Variants in MPPED2 observed in about 807,000 individuals in gnomAD.
MPPED2 encodes metallophosphoesterase domain containing 2, also known as metallophosphoesterase MPPED2.
Under a neutral mutation model 33.0 loss-of-function variants are expected in MPPED2, and 5 were observed. The ratio of observed to expected loss-of-function variants is 0.15; its 90% CI spans 0.08 to 0.32. The LOEUF is 0.32. Among genes scored for constraint, MPPED2 ranks in the 10% least tolerant of loss-of-function variants. The probability of loss-of-function intolerance (pLI) is 1.00; values close to 1 mark genes in which losing one functional copy is unlikely to be tolerated. For synonymous variants in MPPED2, 136 were observed against 141.9 expected, an observed-to-expected ratio of 0.96 and a Z score of 0.29; for missense variants, 275 against 372.1, an observed-to-expected ratio of 0.74 and a Z score of 2.15.
intron 4 of MPPED2, among the ~76,000 whole-genome samples, chr11:30,472,313 G>T (rs1388349364): frequency 6.6e-6 from 1 of 152,074 alleles, no homozygotes. Context: ...GTGAGCCGTG[G>T]TGGTGCCATA....
At chr11:30,430,276 T>C (rs1327470773) in intron 4 of MPPED2, among the ~76,000 whole-genome samples, 1 of 152,140 alleles carries the variant, frequency 6.6e-6, no homozygotes, top group African/African-American at 2.4e-5. Context: ...ACCCGAGATG[T>C]AGCTAGTCTG....
intron 6 of MPPED2, among the ~76,000 whole-genome samples, chr11:30,400,761 C>CG (rs1947897865): frequency 7.3e-6 from 1 of 137,232 alleles, no homozygotes; most frequent in Non-Finnish European, 1.6e-5. Flanking sequence ...TATCATCAAA[C>CG]ATTTTTTTTT....
intron 2 of MPPED2, among the ~76,000 whole-genome samples, chr11:30,560,817 AG>A (rs1258524036): frequency 1.3e-5 from 2 of 152,184 alleles, no homozygotes; most frequent in African/African-American, 4.8e-5. Flanking sequence ...TTTATAGAGC[AG>A]GCCCATAGTC....
Position 30,495,489 on chromosome 11 carries a change from C to T in MPPED2, c.343G>A (p.Ala115Thr). 1 of 1,614,044 alleles carries T rather than the reference C, an allele frequency of 6.2e-7. No individual in the cohort carries two copies. The highest frequency in any genetic ancestry group is 1.3e-5 in the African/African-American group (1 of 75,024). Residue 115 changes from alanine to threonine, a missense_variant, in exon 4 of 7, where the codon GCT (alanine) becomes ACT (threonine). Physicochemically the swap from Ala to Thr is moderately conservative, Grantham distance 58. Coordinates refer to ENST00000358117, the MANE Select transcript of MPPED2 (RefSeq NM_001584.3). ...NLPYEYKIVIAGNHELTFDKE... is the reference protein window; with the variant it reads ...NLPYEYKIVITGNHELTFDKE... Reference sequence around the variant, plus strand: ...TCAAATGTCAGTTCATGATTCCCAGCAATCACTATTTTATATTCATATGGC... The same window carrying T: ...TCAAATGTCAGTTCATGATTCCCAGTAATCACTATTTTATATTCATATGGC...
intron 1 of MPPED2, among the ~76,000 whole-genome samples, chr11:30,585,531 C>A (rs1241563593): frequency 6.6e-6 from 1 of 152,060 alleles, no homozygotes; most frequent in Non-Finnish European, 1.5e-5. Context: ...CGGGGCGGCT[C>A]GAACACATCA....
At chr11:30,388,856 C>G (rs1483006840) in exon 7 of MPPED2, 1 of 1,528,350 alleles carries the variant, frequency 6.5e-7, no homozygotes, top group African/African-American at 1.4e-5. Context: ...ATCAGATCAT[C>G]AATTAATTGT....
intron 4 of MPPED2, among the ~76,000 whole-genome samples, chr11:30,440,804 A>C (rs1949537723): frequency 6.6e-6 from 1 of 152,232 alleles, no homozygotes; most frequent in African/African-American, 2.4e-5. Context: ...GACTGCTTCT[A>C]AGTCCTATCA....
intron 6 of MPPED2, among the ~76,000 whole-genome samples, chr11:30,412,175 G>A (rs1418122334): frequency 6.6e-6 from 1 of 150,700 alleles, no homozygotes; most frequent in Non-Finnish European, 1.5e-5. Flanking sequence ...AAAAGTGTCA[G>A]CTAATCACAT....
At chr11:30,401,423 T>C (rs762309949) in intron 6 of MPPED2, among the ~76,000 whole-genome samples, 2 of 152,190 alleles carry the variant, frequency 1.3e-5, no homozygotes, top group Non-Finnish European at 2.9e-5. Flanking sequence ...GATACAGATG[T>C]CCAGTGCTGA....
At chr11:30,549,804 C>T (rs539795164) in intron 2 of MPPED2, among the ~76,000 whole-genome samples, 8 of 152,184 alleles carry the variant, frequency 5.3e-5, no homozygotes, top group East Asian at 1.9e-4. Flanking sequence ...CTGCCGCCAT[C>T]GATAAAGGCT....
chr11:30,507,875 T>C (rs1952928967), intron 3 of MPPED2, among the ~76,000 whole-genome samples: 2 of 152,186 alleles, frequency 1.3e-5, no homozygotes, highest in Admixed American at 6.5e-5. Flanking sequence ...CGTAGTATAA[T>C]TCCTCAGGAA....
intron 4 of MPPED2, among the ~76,000 whole-genome samples, chr11:30,432,781 G>C (rs893424173): frequency 1.3e-5 from 2 of 152,116 alleles, no homozygotes; most frequent in East Asian, 3.8e-4. Context: ...GCATTACTTT[G>C]AAGCTAAAGT....
At chr11:30,414,941 T>C (rs1182442666) in intron 5 of MPPED2, among the ~76,000 whole-genome samples, 1 of 152,192 alleles carries the variant, frequency 6.6e-6, no homozygotes, top group Non-Finnish European at 1.5e-5. Flanking sequence ...GCTAATTGAC[T>C]ACTTTTAAAG....
At chr11:30,558,569 C>T (rs1246893951) in intron 2 of MPPED2, among the ~76,000 whole-genome samples, 1 of 151,600 alleles carries the variant, frequency 6.6e-6, no homozygotes, top group African/African-American at 2.4e-5. Flanking sequence ...GTATGTGCCA[C>T]CACACTCAGC....
At chr11:30,504,732 T>C (rs1432155773) in intron 3 of MPPED2, 12 of 1,271,088 alleles carry the variant, frequency 9.4e-6, no homozygotes, top group Non-Finnish European at 1.2e-5. Flanking sequence ...ACGTTAATAC[T>C]CACACTTGCT....
At chr11:30,550,098 T>G (rs550708753) in intron 2 of MPPED2, among the ~76,000 whole-genome samples, 193 of 152,232 alleles carry the variant, frequency 1.3e-3, no homozygotes, top group Middle Eastern at 3.4e-3. Context: ...CCAATGTCCA[T>G]TGTAGGAAAG....
At position 30,392,193 on chromosome 11, in the gene MPPED2, T is replaced by C. The variant is rs139293574; in HGVS notation, c.767-3237A>G. On this transcript the variant is annotated intron_variant, in intron 6 of 6. Transcript: ENST00000448418. ...ACACTGGCATGTAGAAGATAGCGATTGACTCCCCTCTAATGGTTTCTTTGT... is the reference window on the plus strand; with the variant it reads ...ACACTGGCATGTAGAAGATAGCGATCGACTCCCCTCTAATGGTTTCTTTGT... Among the ~76,000 whole-genome samples the C allele has an allele frequency of 5.0e-3, 764 of 152,322 alleles. 5 individuals carry two copies. The highest frequency in any genetic ancestry group is 0.017 in the African/African-American group (706 of 41,576).
chr11:30,518,867 A>G (rs1227892731), intron 3 of MPPED2, among the ~76,000 whole-genome samples: 1 of 152,234 alleles, frequency 6.6e-6, no homozygotes, highest in Non-Finnish European at 1.5e-5. Context: ...TACAAAAGAC[A>G]TACATTTTGG....
chr11:30,465,973 G>T (rs1160692889), intron 4 of MPPED2, among the ~76,000 whole-genome samples: 6 of 152,118 alleles, frequency 3.9e-5, no homozygotes, highest in Non-Finnish European at 5.9e-5. Context: ...TAATTACAAG[G>T]CCTTCCCCAA....
Sources: allele counts gnomAD v4.1 joint callset (sites outside exome capture counted in the v4.1 genomes callset), GRCh38; gene constraint gnomAD v4.1.1; transcripts MANE v1.5; gene names NCBI Gene and HGNC (gene_info 2026-07-23, HGNC 2026-07-21).